The following CTNND2 variants were observed in gnomAD, a reference collection of about 807,000 sequenced individuals.
The protein encoded by CTNND2 is catenin delta 2.
Under a neutral mutation model 144.4 loss-of-function variants are expected in CTNND2, and 22 were observed. The ratio of observed to expected loss-of-function variants is 0.15; its 90% confidence interval spans 0.11 to 0.22. The LOEUF (loss-of-function observed/expected upper bound fraction) is 0.22. CTNND2 is among the 10% of genes least tolerant of loss of function. The pLI is 1.00. For missense variants in CTNND2, 1,353 were observed against 1,618.8 expected (o/e 0.84, Z 2.82); for synonymous variants, 751 against 695.6 (o/e 1.08, Z -1.25).
chr5:11,726,494 C>A (rs1160211863), intron 2 of CTNND2, among the ~76,000 whole-genome samples: 1 of 152,106 alleles, frequency 6.6e-6, no homozygotes, highest in Non-Finnish European at 1.5e-5. Context: ...AAACCCAATT[C>A]ATTTATTTTT....
intron 1 of CTNND2, among the ~76,000 whole-genome samples, chr5:11,805,577 C>A (rs1004684038): frequency 3.3e-5 from 5 of 152,044 alleles, no homozygotes; most frequent in African/African-American, 1.2e-4. Flanking sequence ...GTCAAAGCCA[C>A]TCAGTAGCCC....
intron 1 of CTNND2, among the ~76,000 whole-genome samples, chr5:11,848,447 T>C (rs1167317880): frequency 1.3e-5 from 2 of 152,174 alleles, no homozygotes; most frequent in African/African-American, 2.4e-5. Context: ...TTTGATGTTG[T>C]AGCATGGGAA....
In CTNND2 at chr5:11,792,764, A is replaced by G. The variant is rs576207986; in HGVS notation, c.38-60492T>C. Among the ~76,000 whole-genome samples the G allele has an allele frequency of 4.0e-4, 61 of 152,360 alleles. No individual in the cohort carries two copies. The South Asian group carries it at 0.012, about 30-fold the overall frequency. Reference sequence around the variant, plus strand: ...CAATAAAACAGCAATGTCCTCTTAAAAGAAAAATATTCTAGCAGCACACAA... The same window carrying G: ...CAATAAAACAGCAATGTCCTCTTAAGAGAAAAATATTCTAGCAGCACACAA... On this transcript the variant is annotated intron_variant, in intron 1 of 21. Transcript: ENST00000304623.
intron 10 of CTNND2, among the ~76,000 whole-genome samples, chr5:11,223,411 T>C (rs1222341737): frequency 2.0e-5 from 3 of 152,140 alleles, no homozygotes; most frequent in Non-Finnish European, 4.4e-5. Context: ...AGATGCCAGT[T>C]TTCCTTTCTT....
intron 1 of CTNND2, among the ~76,000 whole-genome samples, chr5:11,788,427 G>A (rs1367956314): frequency 6.6e-6 from 1 of 152,056 alleles, no homozygotes; most frequent in African/African-American, 2.4e-5. Flanking sequence ...AATCAACTTG[G>A]AATTTATGTG....
intron 10 of CTNND2, among the ~76,000 whole-genome samples, chr5:11,206,174 G>A (rs1325145898): frequency 3.9e-5 from 6 of 152,224 alleles, no homozygotes; most frequent in Admixed American, 3.9e-4. Context: ...ACAATTTAGG[G>A]TTTAACTTTA....
chr5:11,515,121 A>AAC (rs1165056176), intron 3 of CTNND2, among the ~76,000 whole-genome samples: 2 of 151,906 alleles, frequency 1.3e-5, no homozygotes, highest in Non-Finnish European at 2.9e-5. Flanking sequence ...CAAAAAAAAA[A>AAC]AAAAACGCAT....
chr5:11,196,341 C>T (rs61751795), intron 11 of CTNND2, among the ~76,000 whole-genome samples: 2,177 of 152,158 alleles, frequency 0.014, 49 homozygotes, highest in Admixed American at 0.049. Flanking sequence ...AAAGGGAGAC[C>T]TCACCCTGCC....
At chr5:11,826,705 A>G (rs1306065715) in intron 1 of CTNND2, among the ~76,000 whole-genome samples, 2 of 152,086 alleles carry the variant, frequency 1.3e-5, no homozygotes, top group Non-Finnish European at 2.9e-5. Flanking sequence ...GAGTGGTTAT[A>G]TCAGACAAGA....
At chr5:11,733,229 C>T (rs1787493069) in intron 1 of CTNND2, among the ~76,000 whole-genome samples, 1 of 152,136 alleles carries the variant, frequency 6.6e-6, no homozygotes, top group Non-Finnish European at 1.5e-5. Context: ...GAGGCCTGGA[C>T]TTGCAATTGG....
chr5:11,465,672 G>C (rs1384415818), intron 3 of CTNND2, among the ~76,000 whole-genome samples: 1 of 152,120 alleles, frequency 6.6e-6, no homozygotes, highest in Non-Finnish European at 1.5e-5. Context: ...TTCCAAAAGG[G>C]CACAGACCCT....
intron 12 of CTNND2, among the ~76,000 whole-genome samples, chr5:11,126,681 T>A (rs560801363): frequency 6.6e-6 from 1 of 152,336 alleles, no homozygotes; most frequent in South Asian, 2.1e-4. Context: ...TGGGAACCCA[T>A]CTTCTTTGGA....
chr5:11,726,362 T>A, intron 2 of CTNND2, among the ~76,000 whole-genome samples: 1 of 152,240 alleles, frequency 6.6e-6, no homozygotes, highest in Non-Finnish European at 1.5e-5. Context: ...AAGAATAAAA[T>A]ATTTATAAAG....
chr5:11,882,279 A>G (rs1433119389), intron 1 of CTNND2, among the ~76,000 whole-genome samples: 1 of 152,016 alleles, frequency 6.6e-6, no homozygotes, highest in Non-Finnish European at 1.5e-5. Context: ...TTGAAATCCT[A>G]TCCAAAAAAT....
At chr5:11,045,781 G>A (rs1745180912) in intron 16 of CTNND2, among the ~76,000 whole-genome samples, 1 of 152,060 alleles carries the variant, frequency 6.6e-6, no homozygotes, top group Non-Finnish European at 1.5e-5. Context: ...ACAGATTCTG[G>A]GGACTTAGAC....
chr5:11,702,400 A>C (rs1785485031), intron 2 of CTNND2, among the ~76,000 whole-genome samples: 1 of 152,164 alleles, frequency 6.6e-6, no homozygotes, highest in South Asian at 2.1e-4. Flanking sequence ...ATTGCCCTAT[A>C]GTTACATGGA....
At chr5:11,317,427 A>G (rs1751625476) in intron 9 of CTNND2, among the ~76,000 whole-genome samples, 1 of 152,208 alleles carries the variant, frequency 6.6e-6, no homozygotes, top group Admixed American at 6.5e-5. Context: ...TTCTTGCATG[A>G]TTTCTAAATA....
intron 3 of CTNND2, among the ~76,000 whole-genome samples, chr5:11,507,133 T>G (rs1771130110): frequency 6.6e-6 from 1 of 152,206 alleles, no homozygotes; most frequent in African/African-American, 2.4e-5. Flanking sequence ...ACACAAGGAT[T>G]GCCTGTAGAG....
At chr5:11,456,726 TAAAAG>T (rs1439821824) in intron 3 of CTNND2, among the ~76,000 whole-genome samples, 1 of 152,202 alleles carries the variant, frequency 6.6e-6, no homozygotes, top group Non-Finnish European at 1.5e-5. Flanking sequence ...TAAAAATTAT[TAAAAG>T]ATAAAGCTTT....
Sources: allele counts gnomAD v4.1 joint callset (sites outside exome capture counted in the v4.1 genomes callset), GRCh38; gene constraint gnomAD v4.1.1; transcripts MANE v1.5; gene names NCBI Gene and HGNC (gene_info 2026-07-23, HGNC 2026-07-21).